Variants in PRR16 observed in about 807,000 individuals in gnomAD.
PRR16 encodes proline rich 16.
A neutral mutation model predicts 18.2 loss-of-function variants in PRR16; 6 were observed. That is an observed-to-expected ratio of 0.33 (90% CI 0.18 to 0.65). The LOEUF (loss-of-function observed/expected upper bound fraction) is 0.65, where lower values mean the gene tolerates loss of function less well. Ranked by LOEUF, PRR16 falls within the 30% of genes least tolerant of loss-of-function variation. The pLI, the probability that PRR16 is intolerant of heterozygous loss-of-function variation, is 0.74. For missense variants in PRR16, 412 were observed against 376.6 expected (o/e 1.09, Z -0.78); for synonymous variants, 151 against 147.8 (o/e 1.02, Z -0.16).
chr5:120,791,584 CATCTATCTATCTATCT>C, the PRR16 span, among the ~76,000 whole-genome samples: 8,034 of 127,404 alleles, frequency 0.063, 236 homozygotes, highest in South Asian at 0.09. Flanking sequence ...GAACTTCTAT[CATCTATCTATCTATCT>C]ATCTATCTAT....
chr5:120,656,795 G>A (rs1437075417), intron 1 of PRR16, among the ~76,000 whole-genome samples: 1 of 151,874 alleles, frequency 6.6e-6, no homozygotes, highest in Non-Finnish European at 1.5e-5. Context: ...AACTGTTTGG[G>A]AATTTATTTC....
the PRR16 span, among the ~76,000 whole-genome samples, chr5:120,794,122 T>C: frequency 6.6e-6 from 1 of 152,006 alleles, no homozygotes; most frequent in African/African-American, 2.4e-5. Context: ...CTATAATCTC[T>C]CTCACTCATC....
chr5:120,597,825 T>A (rs1753861376), intron 1 of PRR16, among the ~76,000 whole-genome samples: 1 of 151,922 alleles, frequency 6.6e-6, no homozygotes, highest in African/African-American at 2.4e-5. Flanking sequence ...GATATTTTTC[T>A]CCCTTTGCCT....
chr5:120,696,467 A>G, the PRR16 span, among the ~76,000 whole-genome samples: 2 of 152,208 alleles, frequency 1.3e-5, no homozygotes, highest in African/African-American at 4.8e-5. Flanking sequence ...AAGTTGAAGA[A>G]ATTGTATAGT....
chr5:120,637,341 A>AAAAC (rs1755268296), intron 1 of PRR16, among the ~76,000 whole-genome samples: 4 of 150,870 alleles, frequency 2.7e-5, no homozygotes, highest in Non-Finnish European at 5.9e-5. Context: ...AAAAAAAAAA[A>AAAAC]AACTTGCACA....
intron 1 of PRR16, among the ~76,000 whole-genome samples, chr5:120,681,542 GACTT>G (rs1471133159): frequency 6.6e-6 from 1 of 152,064 alleles, no homozygotes; most frequent in South Asian, 2.1e-4. Flanking sequence ...TGCATAACTT[GACTT>G]ACTTGTTTAC....
the PRR16 span, among the ~76,000 whole-genome samples, chr5:120,736,574 G>T: frequency 9.0e-6 from 1 of 111,516 alleles, no homozygotes; most frequent in African/African-American, 3.3e-5. Flanking sequence ...GACTATTTGG[G>T]GTCCCTGGAG....
At chr5:120,540,759 A>G (rs1751887935) in intron 1 of PRR16, among the ~76,000 whole-genome samples, 1 of 152,106 alleles carries the variant, frequency 6.6e-6, no homozygotes, top group Non-Finnish European at 1.5e-5. Context: ...AAAAATTGCA[A>G]CCTCAGGAAT....
chr5:120,537,500 C>T (rs1364774202), intron 1 of PRR16, among the ~76,000 whole-genome samples: 1 of 152,016 alleles, frequency 6.6e-6, no homozygotes, highest in Non-Finnish European at 1.5e-5. Flanking sequence ...GTTACCCATA[C>T]CAATATAAAA....
intron 1 of PRR16, among the ~76,000 whole-genome samples, chr5:120,639,044 G>A (rs1035070758): frequency 1.3e-5 from 2 of 151,984 alleles, no homozygotes; most frequent in South Asian, 2.1e-4. Flanking sequence ...TATTTCAAAC[G>A]AGTATGTAGT....
At chr5:120,623,793 T>A (rs2112826274) in intron 1 of PRR16, among the ~76,000 whole-genome samples, 2 of 152,188 alleles carry the variant, frequency 1.3e-5, no homozygotes, top group African/African-American at 4.8e-5. Flanking sequence ...GCAGACTTAT[T>A]TTAAAATTTG....
intron 1 of PRR16, among the ~76,000 whole-genome samples, chr5:120,571,428 G>C (rs80231397): frequency 1.3e-5 from 2 of 152,242 alleles, no homozygotes; most frequent in African/African-American, 4.8e-5. Flanking sequence ...ATAAATAATG[G>C]TAAGATATAA....
intron 1 of PRR16, among the ~76,000 whole-genome samples, chr5:120,540,820 C>T (rs1751889431): frequency 6.6e-6 from 1 of 151,938 alleles, no homozygotes; most frequent in African/African-American, 2.4e-5. Flanking sequence ...TAGATCAACA[C>T]TCTCTTTTTG....
the PRR16 span, among the ~76,000 whole-genome samples, chr5:120,720,457 T>C: frequency 6.6e-6 from 1 of 152,064 alleles, no homozygotes; most frequent in South Asian, 2.1e-4. Context: ...ATGCTTTAAT[T>C]CTTGAAATGT....
At chr5:120,783,251 C>G in the PRR16 span, among the ~76,000 whole-genome samples, 2 of 152,054 alleles carry the variant, frequency 1.3e-5, no homozygotes, top group African/African-American at 2.4e-5. Context: ...TCATAGTTTG[C>G]GAAGCATGAA....
At chr5:120,520,083 C>A (rs1751123550) in intron 1 of PRR16, among the ~76,000 whole-genome samples, 1 of 152,082 alleles carries the variant, frequency 6.6e-6, no homozygotes, top group Non-Finnish European at 1.5e-5. Flanking sequence ...AGTGTAGAAT[C>A]AAGTGTTCCT....
Position 120,574,623 on chromosome 5 carries a change from G to A in PRR16, c.159+109978G>A, listed in dbSNP as rs143695680. ...TCTCAAAAACAAAAACAACAACGAC[G>A]AAAAAAGGATATCCAAATTAACCAT... On this transcript the variant is annotated intron_variant, in intron 1 of 1. Transcript: ENST00000407149. 1.8e-4 allele frequency among the ~76,000 whole-genome samples: 27 copies of A among 148,694 alleles called. 1 individual carries two copies. In the East Asian group the frequency reaches 5.0e-3, roughly 28 times the overall value.
intron 1 of PRR16, among the ~76,000 whole-genome samples, chr5:120,665,652 A>G (rs1756346577): frequency 1.3e-5 from 2 of 152,158 alleles, no homozygotes; most frequent in Non-Finnish European, 2.9e-5. Context: ...TAAGGAAGGG[A>G]TCCAGTTTCA....
intron 1 of PRR16, among the ~76,000 whole-genome samples, chr5:120,520,605 T>C (rs1465566331): frequency 2.6e-5 from 4 of 152,200 alleles, no homozygotes; most frequent in Non-Finnish European, 5.9e-5. Context: ...CTAATACTTT[T>C]ACTACTTGTA....
Sources: gnomAD v4.1 joint callset for allele counts (sites outside exome capture counted in the v4.1 genomes callset) on GRCh38, gnomAD v4.1.1 for gene constraint, MANE v1.5 for transcripts, NCBI Gene and HGNC (gene_info 2026-07-23, HGNC 2026-07-21) for gene names.